Variants in CACYBP observed in about 807,000 individuals in gnomAD.
CACYBP encodes calcyclin binding protein, also known as calcyclin-binding protein.
A neutral mutation model predicts 29.6 loss-of-function variants in CACYBP; 11 were observed. The ratio of observed to expected loss-of-function variants is 0.37; its 90% CI spans 0.23 to 0.61. The LOEUF (loss-of-function observed/expected upper bound fraction) is 0.61. Among genes scored for constraint, CACYBP ranks in the 20% least tolerant of loss-of-function variants. The pLI, the probability that CACYBP is intolerant of heterozygous loss-of-function variation, is 0.65. For synonymous variants in CACYBP, 73 were observed against 88.3 expected, an observed-to-expected ratio of 0.83 and a Z score of 0.97; for missense variants, 163 against 260.7, an observed-to-expected ratio of 0.63 and a Z score of 2.58.
rs754636756 is a variant in CACYBP at position 175,006,779 on chromosome 1, C to T, written c.270C>T (p.Tyr90=). 33 of 1,605,056 alleles carry T rather than the reference C, an allele frequency of 2.1e-5. No individual in the cohort carries two copies. The Admixed American group carries it at 2.8e-4, about 14-fold the overall frequency. The change falls in exon 3 of 6, where the codon TAC becomes TAT. Residue 90 remains tyrosine, a synonymous_variant. Coordinates refer to ENST00000367679, the MANE Select transcript of CACYBP (RefSeq NM_014412.3). ...AGTCAGATAAGTTTGTGAAAATCTACATTACCTTAACTGGAGTTCATCAAG... is the reference window on the plus strand; with the variant it reads ...AGTCAGATAAGTTTGTGAAAATCTATATTACCTTAACTGGAGTTCATCAAG... ...WDQSDKFVKI[Y]ITLTGVHQVP...
intron 1 of CACYBP, among the ~76,000 whole-genome samples, chr1:175,000,947 C>G (rs1326040351): frequency 1.3e-5 from 2 of 152,192 alleles, no homozygotes; most frequent in African/African-American, 4.8e-5. Flanking sequence ...TTGTATTGCT[C>G]ATTTCCTGGC....
Position 175,006,854 on chromosome 1 carries a change from T to A in CACYBP, c.332+13T>A. ...ATTTCACAGAGAGGTGAGTTCTCAT[T>A]ATAATGGGAAAGACAGTGAATTAAC... On this transcript the variant is annotated intron_variant, in intron 3 of 5. Coordinates refer to ENST00000367679, the MANE Select transcript of CACYBP (RefSeq NM_014412.3). The A allele has an allele frequency of 7.2e-7, 1 of 1,396,858 alleles. No individual in the cohort carries two copies. Among genetic ancestry groups the A allele is most frequent in the Non-Finnish European group, 1.0e-6 (1 of 982,780 alleles). 86.5% of individuals were successfully genotyped at this position (1,396,858 alleles called of 1,614,324 possible). A position where few individuals can be genotyped will look rare whatever the true frequency, so the allele number is the denominator to read the frequency against.
At chr1:175,002,112 G>T (rs982665982) in intron 1 of CACYBP, among the ~76,000 whole-genome samples, 2 of 152,158 alleles carry the variant, frequency 1.3e-5, no homozygotes, top group African/African-American at 4.8e-5. Flanking sequence ...TTTTTGTGTG[G>T]ATGTGTTTTC....
rs1672679730 is a variant in CACYBP, at chr1:175,008,810, C to T, written c.530+104C>T. ...ATAATGTATTTCTGCTTTCAACTGT[C>T]AAACTACCTGAAGAGGGCACGTCCA... On this transcript the variant is annotated intron_variant, in intron 5 of 5. Coordinates refer to ENST00000367679, the MANE Select transcript of CACYBP (RefSeq NM_014412.3). 4.3e-6 allele frequency: 3 copies of T among 690,260 alleles called. No individual in the cohort carries two copies. In the East Asian group the frequency reaches 8.1e-5, roughly 19 times the overall value. The allele number at this position is 690,260 out of a possible 1,614,324, so 42.8% of individuals were successfully genotyped here.
chr1:175,003,520 T>G (rs948506057), intron 1 of CACYBP, among the ~76,000 whole-genome samples: 3 of 152,320 alleles, frequency 2.0e-5, no homozygotes, highest in Non-Finnish European at 4.4e-5. Context: ...AGAAAAGAAT[T>G]AGTTCTGTTA....
chr1:175,000,527 T>C (rs1672448264), intron 1 of CACYBP: 6 of 1,244,356 alleles, frequency 4.8e-6, no homozygotes, highest in Non-Finnish European at 6.1e-6. Flanking sequence ...TCCCAGCCAG[T>C]GGACAGGAAG....
At chr1:175,003,739 T>A (rs1354063449) in intron 1 of CACYBP, among the ~76,000 whole-genome samples, 1 of 152,210 alleles carries the variant, frequency 6.6e-6, no homozygotes, top group African/African-American at 2.4e-5. Context: ...AGATCTTGTG[T>A]ATTTGCAGTA....
Position 175,011,143 on chromosome 1 carries a change from G to A in CACYBP, c.*1064G>A, listed in dbSNP as rs188774185. The A allele has an allele frequency of 7.9e-4, 106 of 134,968 alleles. No homozygotes were observed. Among genetic ancestry groups the A allele is most frequent in the Admixed American group, 2.2e-3 (29 of 13,294 alleles). 8.4% of individuals were successfully genotyped at this position (134,968 alleles called of 1,614,324 possible). ...AAAAAAAAAAGCCGTTAGACACACA[G>A]GAAAAATCCAGAAGGGTAAACTAAA... On this transcript the variant is annotated 3_prime_UTR_variant, in exon 6 of 6. Transcript: ENST00000367679.
rs1425462967 is a variant in CACYBP at position 175,004,647 on chromosome 1, C to T, written c.49C>T (p.Leu17=). The change falls in exon 2 of 6, where the codon CTG becomes TTG. Residue 17 remains leucine, a synonymous_variant. Transcript: ENST00000367679. Reference sequence around the variant, plus strand: ...AGATCTAGAAGAGGTAAAGGTGTTGCTGGAAAAGGCTACTAGGAAAAGAGT... The same window carrying T: ...AGATCTAGAAGAGGTAAAGGTGTTGTTGGAAAAGGCTACTAGGAAAAGAGT... ...QKDLEEVKVL[L]EKATRKRVRD... 1.2e-6 allele frequency: 2 copies of T among 1,609,854 alleles called. No homozygotes were observed. Among genetic ancestry groups the T allele is most frequent in the Non-Finnish European group, 8.5e-7 (1 of 1,178,524 alleles).
At chr1:175,005,030 A>C (rs1672583981) in intron 2 of CACYBP, 197 bp downstream of exon 2, 4 of 600,634 alleles carry the variant, frequency 6.7e-6, no homozygotes, top group Non-Finnish European at 1.2e-5. Flanking sequence ...AACAAGAGTA[A>C]GGTGATTCAC....
chr1:175,004,858 G>T (rs780604510), intron 2 of CACYBP, 25 bp downstream of exon 2: 20 of 1,454,368 alleles, frequency 1.4e-5, no homozygotes, highest in Non-Finnish European at 1.9e-5. Context: ...CCTATAGCCA[G>T]TTCTGCCTCC....
At chr1:175,005,687 A>G (rs1672604209) in intron 2 of CACYBP, among the ~76,000 whole-genome samples, 1 of 152,202 alleles carries the variant, frequency 6.6e-6, no homozygotes, top group Non-Finnish European at 1.5e-5. Context: ...ATATAGTAAT[A>G]TAGGAAATTG....
chr1:175,005,019 TAAC>T (rs1672583721), intron 2 of CACYBP, 186 bp downstream of exon 2: 3 of 627,818 alleles, frequency 4.8e-6, no homozygotes, highest in African/African-American at 1.8e-5. Context: ...TAGAAGCTGT[TAAC>T]AAGAGTAAGG....
chr1:175,008,364 C>G (rs1325631707), intron 4 of CACYBP, among the ~76,000 whole-genome samples: 7 of 152,066 alleles, frequency 4.6e-5, no homozygotes, highest in Non-Finnish European at 8.8e-5. Context: ...CCCCACCCCC[C>G]ATTAACACCC....
rs61828157 is a variant in CACYBP, at chr1:175,008,902, G to C, written c.530+196G>C. On this transcript the variant is annotated intron_variant, in intron 5 of 5. Coordinates refer to ENST00000367679, the MANE Select transcript of CACYBP (RefSeq NM_014412.3). ...TTTAGTGTGGTTCTTAACCCTAGGC[G>C]CAGTTGTGCTTCTATACAAATAACT... The C allele has an allele frequency of 1.1e-4, 60 of 536,864 alleles. No individual in the cohort carries two copies. The South Asian group carries it at 1.4e-3, about 13-fold the overall frequency. 33.3% of individuals were successfully genotyped at this position (536,864 alleles called of 1,614,324 possible). A position where few individuals can be genotyped will look rare whatever the true frequency, so the allele number is the denominator to read the frequency against.
At chr1:175,000,501 C>A (rs896261630) in intron 1 of CACYBP, 1 of 1,296,780 alleles carries the variant, frequency 7.7e-7, no homozygotes. Context: ...TTCCTCAGGC[C>A]CTTTCTGCCC....
At chr1:175,001,865 C>T (rs957732637) in intron 1 of CACYBP, among the ~76,000 whole-genome samples, 10 of 152,198 alleles carry the variant, frequency 6.6e-5, no homozygotes, top group African/African-American at 2.4e-4. Context: ...CCTTAGCCTC[C>T]TGAGAAGCTG....
At chr1:175,008,325 C>G (rs1007078037) in intron 4 of CACYBP, among the ~76,000 whole-genome samples, 1 of 152,128 alleles carries the variant, frequency 6.6e-6, no homozygotes, top group Non-Finnish European at 1.5e-5. Flanking sequence ...AGATTTGCCT[C>G]AGAGAGGCCT....
At chr1:175,004,489 C>A in intron 1 of CACYBP, 125 bp from the exon 2 acceptor site, 1 of 589,308 alleles carries the variant, frequency 1.7e-6, no homozygotes, top group South Asian at 2.9e-5. Flanking sequence ...CAACTCAATC[C>A]TAGAAAATTT....
Sources: gnomAD v4.1 joint callset for allele counts (sites outside exome capture counted in the v4.1 genomes callset) on GRCh38, gnomAD v4.1.1 for gene constraint, MANE v1.5 for transcripts, NCBI Gene and HGNC (gene_info 2026-07-23, HGNC 2026-07-21) for gene names.